LRP1B: variants seen among roughly 807,000 people sequenced by gnomAD.
The protein encoded by LRP1B is low-density lipoprotein receptor-related protein 1B.
LRP1B carries 217 observed loss-of-function variants against 556.6 expected under a neutral mutation model. The observed-to-expected ratio is 0.39, with a 90% CI of 0.35 to 0.44. The LOEUF is 0.44. Among genes scored for constraint, LRP1B ranks in the 20% least tolerant of loss-of-function variants. The probability of loss-of-function intolerance (pLI) is 1.00; values close to 1 mark genes in which losing one functional copy is unlikely to be tolerated. For missense variants in LRP1B, 5,053 were observed against 5,620.8 expected (o/e 0.90, Z 3.23); for synonymous variants, 2,047 against 1,865.8 (o/e 1.10, Z -2.50).
intron 10 of LRP1B, among the ~76,000 whole-genome samples, chr2:141,054,285 A>C (rs1188555458): frequency 1.3e-5 from 2 of 151,954 alleles, no homozygotes; most frequent in African/African-American, 4.8e-5. Flanking sequence ...GACAAAGGTA[A>C]AGACAAACTG....
intron 6 of LRP1B, chr2:141,208,519 C>T (rs1448504884): frequency 6.6e-6 from 1 of 152,210 alleles, no homozygotes; most frequent in East Asian, 1.9e-4. Flanking sequence ...TCCATATCTC[C>T]TTGCATATGC....
chr2:141,406,099 C>T (rs1014684452), intron 3 of LRP1B, among the ~76,000 whole-genome samples: 9 of 151,858 alleles, frequency 5.9e-5, no homozygotes, highest in Admixed American at 2.6e-4. Flanking sequence ...TAATTTGATC[C>T]CTAAAACAAA....
intron 1 of LRP1B, among the ~76,000 whole-genome samples, chr2:141,965,761 A>G (rs1212351169): frequency 6.8e-6 from 1 of 147,650 alleles, no homozygotes; most frequent in African/African-American, 2.5e-5. Context: ...AAAAATAATA[A>G]TAATAGTAAT....
At chr2:140,249,928 A>C (rs1681332136) in intron 86 of LRP1B, among the ~76,000 whole-genome samples, 1 of 151,876 alleles carries the variant, frequency 6.6e-6, no homozygotes, top group Non-Finnish European at 1.5e-5. Context: ...AGATCATCAA[A>C]ATCTCCTGTC....
chr2:140,515,233 G>A (rs918183861), intron 50 of LRP1B, among the ~76,000 whole-genome samples: 1 of 152,010 alleles, frequency 6.6e-6, no homozygotes, highest in African/African-American at 2.4e-5. Flanking sequence ...AAAGGTGGGT[G>A]ACTAAGGAGG....
chr2:140,552,191 T>G (rs1680569456), intron 43 of LRP1B, among the ~76,000 whole-genome samples: 1 of 152,170 alleles, frequency 6.6e-6, no homozygotes, highest in Non-Finnish European at 1.5e-5. Flanking sequence ...GTCATTTCTT[T>G]GATTTCCCTA....
At chr2:141,068,237 T>C (rs1048453597) in intron 7 of LRP1B, among the ~76,000 whole-genome samples, 15 of 151,948 alleles carry the variant, frequency 9.9e-5, no homozygotes, top group African/African-American at 3.4e-4. Context: ...ACCAAGGGAA[T>C]AGAGGACGCA....
intron 7 of LRP1B, among the ~76,000 whole-genome samples, chr2:141,083,801 T>A (rs1699983090): frequency 6.6e-6 from 1 of 152,024 alleles, no homozygotes; most frequent in Admixed American, 6.6e-5. Context: ...CTGCAGCGAG[T>A]CCTCATTGGC....
At chr2:140,346,779 T>C (rs1462619785) in intron 77 of LRP1B, among the ~76,000 whole-genome samples, 4 of 151,948 alleles carry the variant, frequency 2.6e-5, no homozygotes. Flanking sequence ...AAATAGAACT[T>C]CAATTAAAAA....
chr2:141,331,516 T>TTCTCTC (rs1400821730), intron 3 of LRP1B, among the ~76,000 whole-genome samples: 1 of 62,128 alleles, frequency 1.6e-5, no homozygotes, highest in Middle Eastern at 8.6e-3. Flanking sequence ...CTTTCTTTCT[T>TTCTCTC]TCTTTCTCTT....
chr2:141,778,262 T>A (rs1695140174), intron 2 of LRP1B, among the ~76,000 whole-genome samples: 1 of 152,202 alleles, frequency 6.6e-6, no homozygotes, highest in African/African-American at 2.4e-5. Flanking sequence ...TTCCATACAT[T>A]AGATTAAATG....
At chr2:141,149,446 C>T (rs951969826) in intron 7 of LRP1B, among the ~76,000 whole-genome samples, 1 of 152,176 alleles carries the variant, frequency 6.6e-6, no homozygotes, top group African/African-American at 2.4e-5. Flanking sequence ...ACTTAATCTT[C>T]TCAATGGTTT....
chr2:141,328,879 C>A (rs1480406685), intron 3 of LRP1B, among the ~76,000 whole-genome samples: 2 of 152,060 alleles, frequency 1.3e-5, no homozygotes, highest in Non-Finnish European at 2.9e-5. Flanking sequence ...TGTTTCTAGA[C>A]AAAGAAGCAG....
chr2:141,591,788 G>A lies in LRP1B; in HGVS notation c.206-111255C>T, dbSNP rs543804042. Among the ~76,000 whole-genome samples the A allele has an allele frequency of 2.0e-5, 3 of 152,134 alleles. No homozygotes were observed. In the East Asian group the frequency reaches 5.8e-4, roughly 29 times the overall value. ...ATAAAAAATACTGACTATGTAGTTTGTATTTTCCTTTTGGTAATTTTTCTA... is the reference window on the plus strand; with the variant it reads ...ATAAAAAATACTGACTATGTAGTTTATATTTTCCTTTTGGTAATTTTTCTA... On this transcript the variant is annotated intron_variant, in intron 2 of 90. Transcript: ENST00000389484.
At chr2:141,986,963 G>A (rs1273044197) in intron 1 of LRP1B, among the ~76,000 whole-genome samples, 1 of 151,838 alleles carries the variant, frequency 6.6e-6, no homozygotes, top group African/African-American at 2.4e-5. Context: ...CTATGACCTT[G>A]GTAAGTATTT....
chr2:141,946,653 A>G (rs1182888494), intron 1 of LRP1B, among the ~76,000 whole-genome samples: 1 of 152,140 alleles, frequency 6.6e-6, no homozygotes, highest in Non-Finnish European at 1.5e-5. Flanking sequence ...AATAGGTGAC[A>G]TTTTCAATAG....
intron 86 of LRP1B, among the ~76,000 whole-genome samples, chr2:140,252,216 A>G (rs1681469135): frequency 6.6e-6 from 1 of 151,556 alleles, no homozygotes; most frequent in African/African-American, 2.4e-5. Context: ...AATAGATAAA[A>G]TTAGGTAATT....
Position 141,036,165 on chromosome 2 carries a change from G to A in LRP1B, c.1789+12821C>T, listed in dbSNP as rs114703142. 3.1e-3 allele frequency among the ~76,000 whole-genome samples: 473 copies of A among 151,866 alleles called. 4 individuals carry two copies. Among genetic ancestry groups the A allele is most frequent in the African/African-American group, 0.011 (460 of 41,424 alleles). ...AAAGGGTGACAGACCTTTTCCAGGAGAAACAGAACACATAAAGTATTACTC... is the reference window on the plus strand; with the variant it reads ...AAAGGGTGACAGACCTTTTCCAGGAAAAACAGAACACATAAAGTATTACTC... On this transcript the variant is annotated intron_variant, in intron 11 of 90. Transcript: ENST00000389484.
chr2:140,240,183 G>A lies in LRP1B; in HGVS notation c.13325-651C>T, dbSNP rs115132877. On this transcript the variant is annotated intron_variant, in intron 87 of 90. Coordinates refer to ENST00000389484, the MANE Select transcript of LRP1B (RefSeq NM_018557.3). ...GTTAGCTTGATTCCACAGAATTAGGGGGTGAAGAGGTTCTCTTTCTCATGT... is the reference window on the plus strand; with the variant it reads ...GTTAGCTTGATTCCACAGAATTAGGAGGTGAAGAGGTTCTCTTTCTCATGT... 2.8e-3 allele frequency among the ~76,000 whole-genome samples: 426 copies of A among 150,022 alleles called. 3 individuals are homozygous for A. The highest frequency in any genetic ancestry group is 9.6e-3 in the African/African-American group (398 of 41,340).
Sources: gnomAD v4.1 joint callset for allele counts (sites outside exome capture counted in the v4.1 genomes callset) on GRCh38, gnomAD v4.1.1 for gene constraint, MANE v1.5 for transcripts, NCBI Gene and HGNC (gene_info 2026-07-23, HGNC 2026-07-21) for gene names.